The following NOTCH2 variants were observed in gnomAD, a reference collection of about 807,000 sequenced individuals.
NOTCH2 encodes neurogenic locus notch homolog protein 2.
Under a neutral mutation model 235.8 loss-of-function variants are expected in NOTCH2, and 29 were observed. That is an observed-to-expected ratio of 0.12 (90% CI 0.09 to 0.17). NOTCH2 has a LOEUF of 0.17. Among genes scored for constraint, NOTCH2 ranks in the 10% least tolerant of loss-of-function variants. The pLI, the probability that NOTCH2 is intolerant of heterozygous loss-of-function variation, is 1.00. For synonymous variants in NOTCH2, 1,086 were observed against 1,141.5 expected (o/e 0.95, Z 0.98); for missense variants, 2,285 against 3,150.2 (o/e 0.73, Z 6.57).
At chr1:119,966,289 C>T (rs1272597533) in intron 9 of NOTCH2, 87 bp downstream of exon 9, 2 of 867,728 alleles carry the variant, frequency 2.3e-6, no homozygotes, top group Admixed American at 1.7e-5. Flanking sequence ...CATGCACAGC[C>T]CACACACATT....
intron 19 of NOTCH2, among the ~76,000 whole-genome samples, chr1:119,938,987 T>C (rs1270360348): frequency 1.3e-5 from 2 of 152,148 alleles, no homozygotes; most frequent in Non-Finnish European, 2.9e-5. Flanking sequence ...GCCCCATTCA[T>C]TTATTTTCTA....
chr1:120,060,332 A>T (rs1261912909), intron 1 of NOTCH2, among the ~76,000 whole-genome samples: 2 of 145,940 alleles, frequency 1.4e-5, no homozygotes, highest in African/African-American at 2.5e-5. Context: ...GCATATTAAG[A>T]TTAAGTAATA....
At chr1:119,981,682 G>A (rs1651817370) in intron 5 of NOTCH2, among the ~76,000 whole-genome samples, 1 of 152,114 alleles carries the variant, frequency 6.6e-6, no homozygotes, top group Non-Finnish European at 1.5e-5. Flanking sequence ...ATCAACTCTG[G>A]GACATCTGGG....
intron 31 of NOTCH2, 118 bp from the exon 32 acceptor site, chr1:119,918,671 G>A (rs1165531779): frequency 1.0e-6 from 1 of 989,682 alleles, no homozygotes; most frequent in East Asian, 2.5e-5. Flanking sequence ...GGAGGAGAGG[G>A]AAAGTCTTGT....
At chr1:119,951,237 G>A (rs1049282404) in intron 14 of NOTCH2, among the ~76,000 whole-genome samples, 1 of 152,046 alleles carries the variant, frequency 6.6e-6, no homozygotes, top group Non-Finnish European at 1.5e-5. Context: ...CTGCAGCCTC[G>A]ACCTCTCGGG....
At position 119,940,585 on chromosome 1, in the gene NOTCH2, G is replaced by A. The variant is rs2101103668; in HGVS notation, c.3153C>T (p.Cys1051=). 1 of 1,613,966 alleles carries A rather than the reference G, an allele frequency of 6.2e-7. No individual in the cohort carries two copies. The change falls in exon 19 of 34, where the codon TGC becomes TGT. Residue 1051 remains cysteine, a synonymous_variant. Coordinates refer to ENST00000256646, the MANE Select transcript of NOTCH2 (RefSeq NM_024408.4). ...AGTTTTTCCCAGTGTAGCCCAGGGGGCAGCTGCAGCGGTAGGTACCCAGGC... is the reference window on the plus strand; with the variant it reads ...AGTTTTTCCCAGTGTAGCCCAGGGGACAGCTGCAGCGGTAGGTACCCAGGC... The part of the protein sequence containing the change: ...VDGLGTYRCS[C]PLGYTGKNCQ...
intron 17 of NOTCH2, 63 bp downstream of exon 17, chr1:119,948,351 C>G (rs1042645644): frequency 6.2e-7 from 1 of 1,601,328 alleles, no homozygotes; most frequent in Non-Finnish European, 8.5e-7. Flanking sequence ...CCACTGGGCT[C>G]TCCTCTGCTC....
intron 5 of NOTCH2, among the ~76,000 whole-genome samples, chr1:119,980,142 G>A (rs1004091324): frequency 5.3e-5 from 8 of 152,136 alleles, no homozygotes; most frequent in South Asian, 2.1e-4. Context: ...ACAGACCTCC[G>A]CATCCATTCC....
intron 5 of NOTCH2, among the ~76,000 whole-genome samples, chr1:119,985,554 T>C (rs782449639): frequency 9.9e-5 from 15 of 152,272 alleles, no homozygotes; most frequent in Non-Finnish European, 2.1e-4. Flanking sequence ...TTGTTTAATC[T>C]TCACTGGCAT....
chr1:119,935,323 T>C, intron 22 of NOTCH2, 149 bp downstream of exon 22: 11 of 1,585,680 alleles, frequency 6.9e-6, no homozygotes, highest in Non-Finnish European at 9.4e-6. Context: ...GAGAATAAAA[T>C]GGCTTGAATT....
chr1:119,975,157 C>A (rs1651522540), intron 5 of NOTCH2, among the ~76,000 whole-genome samples: 3 of 152,122 alleles, frequency 2.0e-5, no homozygotes, highest in Non-Finnish European at 4.4e-5. Flanking sequence ...ATAAAGAAGG[C>A]CAATCTGAGC....
At chr1:119,924,304 T>C (rs2101159961) in intron 25 of NOTCH2, among the ~76,000 whole-genome samples, 1 of 152,344 alleles carries the variant, frequency 6.6e-6, no homozygotes, top group East Asian at 1.9e-4. Flanking sequence ...ACCTGGTTCA[T>C]GCTTCCTCTA....
chr1:119,916,608 G>A lies in NOTCH2; in HGVS notation c.6114C>T (p.Ile2038=). The change falls in exon 34 of 34, where the codon ATC becomes ATT. Residue 2038 remains isoleucine (I), a synonymous_variant. Coordinates refer to ENST00000256646, the MANE Select transcript of NOTCH2 (RefSeq NM_024408.4). ...ILLDHFANRD[I]TDHMDRLPRD... ...GGGGAAGACGATCCATATGGTCTGT[G>A]ATGTCTCGATTGGCAAAATGGTCTA... 1 of 1,614,178 alleles carries A rather than the reference G, an allele frequency of 6.2e-7. No homozygotes were observed. Among genetic ancestry groups the A allele is most frequent in the Non-Finnish European group, 8.5e-7 (1 of 1,180,038 alleles).
Position 119,915,051 on chromosome 1 carries a change from G to A in NOTCH2, c.*255C>T. ...TCTCCAAATAGAAGAGAGTAAACATGGACCCAAGGCTTGTATTCATCTTGC... is the reference window on the plus strand; with the variant it reads ...TCTCCAAATAGAAGAGAGTAAACATAGACCCAAGGCTTGTATTCATCTTGC... On this transcript the variant is annotated 3_prime_UTR_variant, in exon 34 of 34. Transcript: ENST00000256646. The A allele has an allele frequency of 1.9e-6, 1 of 538,154 alleles. No individual in the cohort carries two copies. The highest frequency in any genetic ancestry group is 1.9e-5 in the African/African-American group (1 of 53,082). The allele number at this position is 538,154 out of a possible 1,614,324, so 33.3% of individuals were successfully genotyped here.
chr1:119,938,008 G>C lies in NOTCH2; in HGVS notation c.3186C>G (p.Thr1062=). The change falls in exon 20 of 34, where the codon ACC becomes ACG. Residue 1062 remains threonine, a splice_region_variant and synonymous_variant. Transcript: ENST00000256646. ...GAGACCGACTGCAGAGATTCACCAG[G>C]GTCTGAAACAGAGGCAGGGGTGTAC... ...PLGYTGKNCQ[T]LVNLCSRSPC... 6.2e-7 allele frequency: 1 copy of C among 1,613,938 alleles called. No individual in the cohort carries two copies. Among genetic ancestry groups the C allele is most frequent in the Non-Finnish European group, 8.5e-7 (1 of 1,179,970 alleles).
intron 3 of NOTCH2, among the ~76,000 whole-genome samples, chr1:120,001,118 G>C (rs1490480377): frequency 2.6e-5 from 4 of 151,918 alleles, no homozygotes; most frequent in African/African-American, 4.8e-5. Context: ...AGTGCCTTTT[G>C]CCTCCCACCA....
At chr1:120,065,598 C>T (rs1195951209) in intron 1 of NOTCH2, among the ~76,000 whole-genome samples, 14 of 152,256 alleles carry the variant, frequency 9.2e-5, no homozygotes, top group East Asian at 3.9e-4. Context: ...AAATGGAGGA[C>T]GGAAACAGTG....
intron 5 of NOTCH2, among the ~76,000 whole-genome samples, chr1:119,978,376 T>C (rs1431556981): frequency 6.6e-6 from 1 of 152,164 alleles, no homozygotes; most frequent in African/African-American, 2.4e-5. Context: ...TTGAAGTGTT[T>C]CCAGCAAAGA....
In NOTCH2 at chr1:119,987,090, A is replaced by T; in HGVS notation, c.752-8T>A. ...AGGTGCTCCCTTCAAAACCTGGTAA[A>T]TGAAGAACAAATGAAAATGATGAAA... On this transcript the variant is annotated splice_polypyrimidine_tract_variant and splice_region_variant and intron_variant, in intron 4 of 33. Coordinates refer to ENST00000256646, the MANE Select transcript of NOTCH2 (RefSeq NM_024408.4). The T allele has an allele frequency of 1.2e-6, 2 of 1,613,372 alleles. No individual in the cohort carries two copies. Among genetic ancestry groups the T allele is most frequent in the Non-Finnish European group, 1.7e-6 (2 of 1,179,498 alleles).
Sources: gnomAD v4.1 joint callset for allele counts (sites outside exome capture counted in the v4.1 genomes callset) on GRCh38, gnomAD v4.1.1 for gene constraint, MANE v1.5 for transcripts, NCBI Gene and HGNC (gene_info 2026-07-23, HGNC 2026-07-21) for gene names.